ASB3: variants seen among roughly 807,000 people sequenced by gnomAD.
ASB3 encodes ankyrin repeat and SOCS box containing 3.
Under a neutral mutation model 54.5 loss-of-function variants are expected in ASB3, and 41 were observed. That is an observed-to-expected ratio of 0.75 (90% confidence interval 0.59 to 0.98). The LOEUF is 0.98. ASB3 is among the 50% of genes least tolerant of loss of function. The pLI, the probability that ASB3 is intolerant of heterozygous loss-of-function variation, is 0.00. For synonymous variants in ASB3, 266 were observed against 221.2 expected (o/e 1.20, Z -1.80); for missense variants, 733 against 620.0 (o/e 1.18, Z -1.94).
intron 3 of ASB3, among the ~76,000 whole-genome samples, chr2:53,741,621 T>C (rs1671938604): frequency 6.6e-6 from 1 of 152,192 alleles, no homozygotes. Flanking sequence ...AGGGAGATTT[T>C]ATCTAGGTCT....
chr2:53,756,002 T>C (rs1027849184), intron 2 of ASB3, among the ~76,000 whole-genome samples: 2 of 136,174 alleles, frequency 1.5e-5, no homozygotes, highest in Non-Finnish European at 1.6e-5. Flanking sequence ...CTACAAAATA[T>C]AGAAAATAAA....
chr2:53,735,331 A>C (rs1044258596), intron 3 of ASB3, among the ~76,000 whole-genome samples: 4 of 152,128 alleles, frequency 2.6e-5, no homozygotes, highest in African/African-American at 9.7e-5. Context: ...TCCAGAACCA[A>C]ATTTCCAAAT....
intron 3 of ASB3, among the ~76,000 whole-genome samples, chr2:53,739,297 A>G (rs905263715): frequency 6.6e-6 from 1 of 152,344 alleles, no homozygotes; most frequent in Non-Finnish European, 1.5e-5. Flanking sequence ...GTGGCATGCA[A>G]CATATTGAGT....
chr2:53,711,886 G>A (rs149834107), intron 7 of ASB3, among the ~76,000 whole-genome samples: 30 of 152,232 alleles, frequency 2.0e-4, no homozygotes, highest in Non-Finnish European at 4.0e-4. Flanking sequence ...TCCTCAGGTA[G>A]TTTCTTTTTG....
intron 7 of ASB3, among the ~76,000 whole-genome samples, chr2:53,703,863 A>T (rs1669621428): frequency 1.3e-5 from 2 of 152,234 alleles, no homozygotes; most frequent in African/African-American, 4.8e-5. Flanking sequence ...TAACACTATC[A>T]TAACACATTG....
At chr2:53,771,975 T>C in intron 1 of ASB3, 1 of 1,201,434 alleles carries the variant, frequency 8.3e-7, no homozygotes, top group Non-Finnish European at 1.2e-6. Flanking sequence ...TGTATAATTT[T>C]AATTTTATAA....
At chr2:53,716,530 A>T in intron 6 of ASB3, 36 bp downstream of exon 6, 1 of 1,594,416 alleles carries the variant, frequency 6.3e-7, no homozygotes, top group Non-Finnish European at 8.6e-7. Flanking sequence ...GCTTTTGATT[A>T]AGAGACCATG....
At chr2:53,744,532 C>T (rs1359836596) in intron 3 of ASB3, among the ~76,000 whole-genome samples, 1 of 152,074 alleles carries the variant, frequency 6.6e-6, no homozygotes, top group Non-Finnish European at 1.5e-5. Flanking sequence ...AAACTCCATA[C>T]TTTCAATCTA....
chr2:53,715,639 TA>T (rs1235983574), intron 6 of ASB3, among the ~76,000 whole-genome samples: 4 of 152,190 alleles, frequency 2.6e-5, no homozygotes, highest in Non-Finnish European at 4.4e-5. Context: ...AGTATTTTGT[TA>T]AAATAGTCTA....
intron 9 of ASB3, among the ~76,000 whole-genome samples, chr2:53,685,135 C>T (rs1471344863): frequency 1.3e-5 from 2 of 152,122 alleles, no homozygotes; most frequent in African/African-American, 4.8e-5. Flanking sequence ...AAATCGAGTT[C>T]TTTTACATTC....
At chr2:53,687,246 T>G (rs1668678141) in intron 9 of ASB3, among the ~76,000 whole-genome samples, 1 of 151,892 alleles carries the variant, frequency 6.6e-6, no homozygotes, top group African/African-American at 2.4e-5. Flanking sequence ...AACTATAAAT[T>G]TCTCGCTAAA....
intron 1 of ASB3, among the ~76,000 whole-genome samples, chr2:53,768,511 T>C (rs1243249574): frequency 6.6e-6 from 1 of 152,222 alleles, no homozygotes; most frequent in Non-Finnish European, 1.5e-5. Context: ...AGGATTTCTT[T>C]ACATCTTTCA....
At chr2:53,769,664 T>G (rs1247379300) in intron 1 of ASB3, among the ~76,000 whole-genome samples, 1 of 152,160 alleles carries the variant, frequency 6.6e-6, no homozygotes. Flanking sequence ...CTGACCAACA[T>G]GGAGAAACCC....
At chr2:53,700,641 T>C in intron 7 of ASB3, 113 bp from the exon 8 acceptor site, 5 of 1,391,366 alleles carry the variant, frequency 3.6e-6, no homozygotes, top group Middle Eastern at 2.6e-4. Context: ...GCAGATTAAA[T>C]AGTGGATGGT....
rs78530258 is a variant in ASB3 at position 53,777,726 on chromosome 2, A to G, written c.-14+9095T>C. 9.2e-3 allele frequency among the ~76,000 whole-genome samples: 1,397 copies of G among 152,354 alleles called. 25 individuals carry two copies. The highest frequency in any genetic ancestry group is 0.032 in the African/African-American group (1,323 of 41,572). Reference sequence around the variant, plus strand: ...AAAAATAAACAGGTTTATGATACTCATATCAATTTATAAGCTTTTGGAGGA... The same window carrying G: ...AAAAATAAACAGGTTTATGATACTCGTATCAATTTATAAGCTTTTGGAGGA... On this transcript the variant is annotated intron_variant, in intron 1 of 9. Transcript: ENST00000263634.
At chr2:53,676,555 T>C (rs1190254705) in intron 9 of ASB3, among the ~76,000 whole-genome samples, 1 of 152,208 alleles carries the variant, frequency 6.6e-6, no homozygotes, top group Non-Finnish European at 1.5e-5. Context: ...ATGTCACAGG[T>C]GTCATAACAT....
chr2:53,723,879 A>G (rs191022387), intron 5 of ASB3, among the ~76,000 whole-genome samples: 1 of 152,354 alleles, frequency 6.6e-6, no homozygotes, highest in East Asian at 1.9e-4. Flanking sequence ...CTGGCTAGCT[A>G]CATGTAGAAG....
intron 3 of ASB3, among the ~76,000 whole-genome samples, chr2:53,740,784 T>C (rs571993854): frequency 3.5e-4 from 54 of 152,308 alleles, no homozygotes; most frequent in African/African-American, 1.1e-3. Context: ...AGAAGTCTAA[T>C]GGCCAATTAG....
At chr2:53,737,631 A>C (rs1671713632) in intron 3 of ASB3, among the ~76,000 whole-genome samples, 1 of 151,886 alleles carries the variant, frequency 6.6e-6, no homozygotes, top group Non-Finnish European at 1.5e-5. Context: ...ATTCCAAAAG[A>C]ATGGAGATCA....
Sources: gnomAD v4.1 joint callset for allele counts (sites outside exome capture counted in the v4.1 genomes callset) on GRCh38, gnomAD v4.1.1 for gene constraint, MANE v1.5 for transcripts, NCBI Gene and HGNC (gene_info 2026-07-23, HGNC 2026-07-21) for gene names.